The following ADAMTSL1 variants were observed in gnomAD, a reference collection of about 807,000 sequenced individuals.
ADAMTSL1 encodes the protein ADAMTS-like protein 1.
In ADAMTSL1, 126 loss-of-function variants were observed where a neutral mutation model predicts 201.8. The ratio of observed to expected loss-of-function variants is 0.62; its 90% confidence interval spans 0.54 to 0.72. The LOEUF (loss-of-function observed/expected upper bound fraction) is 0.72. Among genes scored for constraint, ADAMTSL1 ranks in the 30% least tolerant of loss-of-function variants. The pLI is 0.00. For synonymous variants in ADAMTSL1, 1,121 were observed against 903.4 expected (o/e 1.24, Z -4.32); for missense variants, 2,679 against 2,277.8 (o/e 1.18, Z -3.59).
intron 2 of ADAMTSL1, among the ~76,000 whole-genome samples, chr9:18,227,632 T>C (rs1830479737): frequency 2.0e-5 from 3 of 152,148 alleles, no homozygotes; most frequent in South Asian, 2.1e-4. Context: ...GAAACATGTA[T>C]GTCTTTTTCA....
chr9:18,512,104 G>T (rs926309911), intron 2 of ADAMTSL1, among the ~76,000 whole-genome samples: 1 of 152,124 alleles, frequency 6.6e-6, no homozygotes, highest in Non-Finnish European at 1.5e-5. Context: ...TTTTCATTTT[G>T]TTAAAGGAGA....
chr9:18,233,895 A>G (rs1456092811), intron 2 of ADAMTSL1, among the ~76,000 whole-genome samples: 1 of 152,224 alleles, frequency 6.6e-6, no homozygotes, highest in African/African-American at 2.4e-5. Flanking sequence ...ATTTGACTTC[A>G]TCTCTCAAAT....
chr9:18,577,766 A>C (rs1289882954), intron 4 of ADAMTSL1, among the ~76,000 whole-genome samples: 1 of 152,170 alleles, frequency 6.6e-6, no homozygotes, highest in African/African-American at 2.4e-5. Flanking sequence ...GTTTCAAAAA[A>C]CTTCCCAGGA....
chr9:18,787,821 A>G (rs772201891), intron 19 of ADAMTSL1, among the ~76,000 whole-genome samples: 1 of 152,166 alleles, frequency 6.6e-6, no homozygotes. Context: ...GAGGACCCCT[A>G]TCCCTAGTGG....
At chr9:18,234,244 A>G (rs192341936) in intron 2 of ADAMTSL1, among the ~76,000 whole-genome samples, 3 of 152,318 alleles carry the variant, frequency 2.0e-5, no homozygotes, top group Admixed American at 6.5e-5. Flanking sequence ...TAGGAGCAGA[A>G]CGTGTTGGCA....
intron 2 of ADAMTSL1, among the ~76,000 whole-genome samples, chr9:18,225,425 T>C (rs1830404809): frequency 6.6e-6 from 1 of 152,212 alleles, no homozygotes; most frequent in African/African-American, 2.4e-5. Flanking sequence ...AATTTCTCCA[T>C]AGTGGATTTT....
At chr9:18,591,439 G>GT (rs1564074222) in intron 4 of ADAMTSL1, among the ~76,000 whole-genome samples, 1 of 152,006 alleles carries the variant, frequency 6.6e-6, no homozygotes, top group East Asian at 1.9e-4. Flanking sequence ...TGTTTACAGC[G>GT]TATAGTTGGG....
chr9:18,313,966 C>A (rs901352777), intron 2 of ADAMTSL1, among the ~76,000 whole-genome samples: 2 of 152,102 alleles, frequency 1.3e-5, no homozygotes, highest in Non-Finnish European at 2.9e-5. Context: ...ATATAAGGAA[C>A]TCAAACAACT....
chr9:18,736,895 T>C (rs1818527495), intron 15 of ADAMTSL1, among the ~76,000 whole-genome samples: 1 of 152,190 alleles, frequency 6.6e-6, no homozygotes, highest in Non-Finnish European at 1.5e-5. Context: ...ATTTGCTACT[T>C]ACCACATTTT....
chr9:18,892,015 G>C (rs1222584979), intron 25 of ADAMTSL1, among the ~76,000 whole-genome samples: 2 of 152,178 alleles, frequency 1.3e-5, no homozygotes, highest in East Asian at 1.9e-4. Flanking sequence ...GGTGGCCCCA[G>C]GTGGCTTATG....
At position 18,775,884 on chromosome 9, in the gene ADAMTSL1, G is replaced by C. The variant is rs774517434; in HGVS notation, c.2539G>C (p.Ala847Pro). 2 of 1,593,350 alleles carry C rather than the reference G, an allele frequency of 1.3e-6. No homozygotes were observed. Among genetic ancestry groups the C allele is most frequent in the Non-Finnish European group, 1.7e-6 (2 of 1,169,104 alleles). ...TTCCTCCATCAGGCCCTGTATGCTG[G>C]CAACCTGTGCAAGTAAGTATGTCAG... ...FSSSIRPCMLATCARPGRPST... is the reference protein window; with the variant it reads ...FSSSIRPCMLPTCARPGRPST... Residue 847 changes from alanine (A) to proline (P), a missense_variant, in exon 18 of 29, where the codon GCA (alanine) becomes CCA (proline). Coordinates refer to ENST00000380548, the MANE Select transcript of ADAMTSL1 (RefSeq NM_001040272.6).
rs183697546 is a variant in ADAMTSL1 at position 18,255,484 on chromosome 9, G to A, written c.207+91503G>A. On this transcript the variant is annotated intron_variant, in intron 2 of 29. Transcript: ENST00000680146. ...TTTTTAGGCTGTACTCCTGTGACCA[G>A]CTACTTATGTTAACTTCTAGAAAAG... is the stretch of plus-strand genomic sequence containing the variant. Among the ~76,000 whole-genome samples, 615 of 152,298 alleles carry A rather than the reference G, an allele frequency of 4.0e-3. 2 individuals carry two copies. Among genetic ancestry groups the A allele is most frequent in the Middle Eastern group, 0.027 (8 of 294 alleles).
intron 10 of ADAMTSL1, among the ~76,000 whole-genome samples, chr9:18,678,856 T>G (rs1234597288): frequency 2.0e-5 from 3 of 152,102 alleles, no homozygotes; most frequent in Non-Finnish European, 4.4e-5. Flanking sequence ...GGAGAATTGG[T>G]CTTACCCATT....
chr9:18,843,146 T>C (rs1324093001), intron 23 of ADAMTSL1, among the ~76,000 whole-genome samples: 3 of 150,864 alleles, frequency 2.0e-5, no homozygotes, highest in Admixed American at 6.6e-5. Flanking sequence ...TCTTTACAAT[T>C]TGGCATGATT....
At chr9:18,440,146 T>G (rs753865268) in intron 2 of ADAMTSL1, among the ~76,000 whole-genome samples, 1 of 152,174 alleles carries the variant, frequency 6.6e-6, no homozygotes, top group Non-Finnish European at 1.5e-5. Context: ...CTTGCATTAT[T>G]CTTCTTGATT....
intron 20 of ADAMTSL1, among the ~76,000 whole-genome samples, chr9:18,804,655 T>C (rs1384822413): frequency 6.6e-6 from 1 of 152,206 alleles, no homozygotes; most frequent in Admixed American, 6.5e-5. Context: ...ATATTGTTGG[T>C]ATTTATAAGG....
At chr9:18,029,696 T>G (rs1820856073) in intron 1 of ADAMTSL1, among the ~76,000 whole-genome samples, 1 of 151,666 alleles carries the variant, frequency 6.6e-6, no homozygotes, top group Non-Finnish European at 1.5e-5. Context: ...CAAACAAATT[T>G]ACAAGAAAAA....
chr9:18,755,587 G>T (rs1819704604), intron 16 of ADAMTSL1, among the ~76,000 whole-genome samples: 1 of 152,058 alleles, frequency 6.6e-6, no homozygotes. Context: ...GACTCATGAT[G>T]CTTTTTCAGT....
chr9:18,068,541 A>G (rs1822812592), intron 1 of ADAMTSL1, among the ~76,000 whole-genome samples: 1 of 152,084 alleles, frequency 6.6e-6, no homozygotes, highest in South Asian at 2.1e-4. Flanking sequence ...ATGGATACCA[A>G]TGAACAAATG....
Sources: gnomAD v4.1 joint callset for allele counts (sites outside exome capture counted in the v4.1 genomes callset) on GRCh38, gnomAD v4.1.1 for gene constraint, MANE v1.5 for transcripts, NCBI Gene and HGNC (gene_info 2026-07-23, HGNC 2026-07-21) for gene names.